LITAF: variants seen among roughly 807,000 people sequenced by gnomAD.
LITAF encodes the protein lipopolysaccharide induced TNF factor, also known as lipopolysaccharide-induced tumor necrosis factor-alpha factor.
In LITAF, 9 loss-of-function variants were observed where a neutral mutation model predicts 14.5. The ratio of observed to expected loss-of-function variants is 0.62; its 90% CI spans 0.37 to 1.08. LITAF has a LOEUF of 1.08. Ranked by LOEUF, LITAF falls within the 50% of genes least tolerant of loss-of-function variation. The pLI is 0.01. For missense variants in LITAF, 206 were observed against 213.4 expected (o/e 0.97, Z 0.22); for synonymous variants, 98 against 88.2 (o/e 1.11, Z -0.62).
At chr16:11,606,299 G>T (rs1407575527) in intron 3 of LITAF, among the ~76,000 whole-genome samples, 2 of 151,874 alleles carry the variant, frequency 1.3e-5, no homozygotes, top group Admixed American at 6.6e-5. Flanking sequence ...CTCCCGAGTA[G>T]CTGGGACTAC....
chr16:11,604,945 T>C (rs1356462844), intron 3 of LITAF, among the ~76,000 whole-genome samples: 4 of 152,112 alleles, frequency 2.6e-5, no homozygotes, highest in Non-Finnish European at 5.9e-5. Flanking sequence ...GCCACTGCCA[T>C]CTCGGTCATC....
chr16:11,575,071 G>A (rs1427892322), intron 1 of LITAF, among the ~76,000 whole-genome samples: 1 of 152,114 alleles, frequency 6.6e-6, no homozygotes, highest in African/African-American at 2.4e-5. Context: ...CCAAAGTGCT[G>A]GCATTACAGG....
At chr16:11,599,702 G>A (rs138978936), upstream of LITAF, among the ~76,000 whole-genome samples, 881 of 152,150 alleles carry the variant, frequency 5.8e-3, 9 homozygotes, top group African/African-American at 0.02. Context: ...CCTAAGCCTC[G>A]TCTCTTCTCT....
At chr16:11,603,566 C>T (rs757566731) in intron 3 of LITAF, among the ~76,000 whole-genome samples, 4 of 152,228 alleles carry the variant, frequency 2.6e-5, no homozygotes, top group African/African-American at 7.2e-5. Flanking sequence ...TGGCTGGAAA[C>T]GCCCTGGGGG....
intron 3 of LITAF, among the ~76,000 whole-genome samples, chr16:11,550,404 G>C (rs537695983): frequency 6.9e-4 from 105 of 152,010 alleles, no homozygotes; most frequent in Admixed American, 1.8e-3. Flanking sequence ...CTGACATTTT[G>C]ATTTTGCACT....
chr16:11,551,570 C>T, intron 3 of LITAF: 1 of 476,934 alleles, frequency 2.1e-6, no homozygotes, highest in Non-Finnish European at 3.7e-6. Context: ...TCTATAATCC[C>T]AGCACTTTGG....
chr16:11,580,263 T>TC (rs2141827460), intron 1 of LITAF, among the ~76,000 whole-genome samples: 1 of 150,412 alleles, frequency 6.6e-6, no homozygotes, highest in East Asian at 1.9e-4. Flanking sequence ...CCAGTGAAGT[T>TC]TTTTTTTTTT....
At chr16:11,597,548 G>A (rs2064897766) in intron 1 of LITAF, among the ~76,000 whole-genome samples, 1 of 152,178 alleles carries the variant, frequency 6.6e-6, no homozygotes, top group African/African-American at 2.4e-5. Flanking sequence ...CACACAGCCA[G>A]CACATGGCAG....
intron 1 of LITAF, among the ~76,000 whole-genome samples, chr16:11,580,922 G>C (rs1030820189): frequency 1.3e-5 from 2 of 152,150 alleles, no homozygotes; most frequent in African/African-American, 4.8e-5. Flanking sequence ...GAGCCACCAT[G>C]CCAGACTAAT....
At chr16:11,572,044 A>C (rs2064549755) in intron 1 of LITAF, among the ~76,000 whole-genome samples, 1 of 152,074 alleles carries the variant, frequency 6.6e-6, no homozygotes, top group Non-Finnish European at 1.5e-5. Flanking sequence ...AGCTGTGATC[A>C]CGCCACTGCA....
At chr16:11,607,947 G>A (rs913604000) in intron 3 of LITAF, among the ~76,000 whole-genome samples, 1 of 152,138 alleles carries the variant, frequency 6.6e-6, no homozygotes, top group South Asian at 2.1e-4. Flanking sequence ...TTCCCTCCCA[G>A]TTAAGAACCC....
In LITAF at chr16:11,606,278, C is replaced by T. The variant is rs374849370; in HGVS notation, c.85+27255G>A. On this transcript the variant is annotated intron_variant, in intron 3 of 3. Transcript: ENST00000574848. ...CCACCTCCCAGATTCAAGCCATCTG[C>T]CCACCTCAGCCTCCCGAGTAGCTGG... Among the ~76,000 whole-genome samples, 126 of 152,034 alleles carry T rather than the reference C, an allele frequency of 8.3e-4. 1 individual carries two copies. Among genetic ancestry groups the T allele is most frequent in the African/African-American group, 2.9e-3 (121 of 41,442 alleles).
intron 3 of LITAF, among the ~76,000 whole-genome samples, chr16:11,603,648 G>T (rs977187474): frequency 5.3e-5 from 8 of 152,178 alleles, no homozygotes; most frequent in African/African-American, 1.9e-4. Flanking sequence ...CGGAAAATCC[G>T]CAGCCCCCAT....
At chr16:11,628,492 C>T (rs1260666662) in intron 3 of LITAF, among the ~76,000 whole-genome samples, 1 of 152,098 alleles carries the variant, frequency 6.6e-6, no homozygotes, top group Non-Finnish European at 1.5e-5. Flanking sequence ...GGTCTTGACC[C>T]TTTCTATTTT....
Position 11,603,979 on chromosome 16 carries a change from G to A in LITAF, c.85+29554C>T, listed in dbSNP as rs550910474. ...GGAGAATGGCATGAACCTGGGAGGC[G>A]GAGCTTTCAGTGAGCCAAGATCACG... On this transcript the variant is annotated intron_variant, in intron 3 of 3. Coordinates refer to the LITAF transcript ENST00000574848. 4.7e-3 allele frequency among the ~76,000 whole-genome samples: 719 copies of A among 151,972 alleles called. 9 individuals carry two copies. Among genetic ancestry groups the A allele is most frequent in the African/African-American group, 0.017 (693 of 41,426 alleles).
chr16:11,561,032 C>CACCCT (rs1172714992), intron 1 of LITAF: 1 of 152,202 alleles, frequency 6.6e-6, no homozygotes, highest in African/African-American at 2.4e-5. Context: ...AACGACAGGG[C>CACCCT]ACCCTGGGGG....
At chr16:11,603,601 T>C (rs1206379859) in intron 3 of LITAF, among the ~76,000 whole-genome samples, 1 of 152,216 alleles carries the variant, frequency 6.6e-6, no homozygotes, top group Non-Finnish European at 1.5e-5. Flanking sequence ...CAAGGTTTCC[T>C]AGCAGACAGA....
upstream of LITAF, among the ~76,000 whole-genome samples, chr16:11,639,838 C>T (rs961884604): frequency 9.2e-5 from 14 of 151,550 alleles, no homozygotes; most frequent in Non-Finnish European, 1.9e-4. Context: ...CTACTAAAAA[C>T]ACAAAAATTA....
intron 1 of LITAF, among the ~76,000 whole-genome samples, chr16:11,574,589 C>T (rs1304811485): frequency 6.6e-6 from 1 of 152,106 alleles, no homozygotes; most frequent in Admixed American, 6.6e-5. Context: ...CCTCCCCAGG[C>T]CTCCATCCTG....
Sources: gnomAD v4.1 joint callset for allele counts (sites outside exome capture counted in the v4.1 genomes callset) on GRCh38, gnomAD v4.1.1 for gene constraint, MANE v1.5 for transcripts, NCBI Gene and HGNC (gene_info 2026-07-23, HGNC 2026-07-21) for gene names.